ACP3: variants seen among roughly 807,000 people sequenced by gnomAD.
The protein encoded by ACP3 is acid phosphatase 3.
In ACP3, 38 loss-of-function variants were observed where a neutral mutation model predicts 45.6. That is an observed-to-expected ratio of 0.83 (90% CI 0.64 to 1.09). The LOEUF (loss-of-function observed/expected upper bound fraction) is 1.09. Among genes scored for constraint, ACP3 ranks in the 50% least tolerant of loss-of-function variants. The probability of loss-of-function intolerance (pLI) is 0.00; values close to 1 mark genes in which losing one functional copy is unlikely to be tolerated. For missense variants in ACP3, 466 were observed against 463.2 expected, an observed-to-expected ratio of 1.01 and a Z score of -0.05; for synonymous variants, 162 against 164.7, an observed-to-expected ratio of 0.98 and a Z score of 0.13.
chr3:132,318,353 C>T (rs563008191), intron 1 of ACP3, among the ~76,000 whole-genome samples: 6 of 149,490 alleles, frequency 4.0e-5, no homozygotes, highest in African/African-American at 1.2e-4. Context: ...TTTCCTCTCT[C>T]GTTTTCTTTC....
At chr3:132,342,275 A>G (rs948886922) in intron 5 of ACP3, among the ~76,000 whole-genome samples, 1 of 152,168 alleles carries the variant, frequency 6.6e-6, no homozygotes, top group Non-Finnish European at 1.5e-5. Context: ...CGTAACCAAT[A>G]TTACTGGTGC....
rs1937416157 is a variant in ACP3 at position 132,332,353 on chromosome 3, A to G, written c.456+9A>G. 6.2e-7 allele frequency: 1 copy of G among 1,614,010 alleles called. No individual in the cohort carries two copies. Among genetic ancestry groups the G allele is most frequent in the Non-Finnish European group, 8.5e-7 (1 of 1,179,948 alleles). ...CTCTTTCTGAAGATCAGGTCAGTAT[A>G]CTGGGAAAACCAGGAGATTTCAGAT... is the stretch of plus-strand genomic sequence containing the variant. On this transcript the variant is annotated intron_variant, in intron 4 of 9. Coordinates refer to ENST00000336375, the MANE Select transcript of ACP3 (RefSeq NM_001099.5).
chr3:132,324,015 C>T (rs573481565), intron 1 of ACP3, among the ~76,000 whole-genome samples: 1 of 152,168 alleles, frequency 6.6e-6, no homozygotes, highest in African/African-American at 2.4e-5. Flanking sequence ...GTCGGGAGTT[C>T]GAGACCAGCC....
intron 8 of ACP3, among the ~76,000 whole-genome samples, chr3:132,350,667 A>C (rs1169617243): frequency 1.3e-5 from 2 of 152,162 alleles, no homozygotes; most frequent in Non-Finnish European, 2.9e-5. Context: ...TTTTTTAGAT[A>C]GCCCTGATAT....
Position 132,344,929 on chromosome 3 carries a change from T to G in ACP3, c.651T>G (p.Ser217Arg). 2 of 1,613,470 alleles carry G rather than the reference T, an allele frequency of 1.2e-6. No individual in the cohort carries two copies. Among genetic ancestry groups the G allele is most frequent in the Non-Finnish European group, 1.7e-6 (2 of 1,179,828 alleles). The change falls in exon 7 of 10, where the codon AGT (serine) becomes AGG (arginine). Residue 217 changes from serine (S) to arginine (R), a missense_variant and splice_region_variant. Ser to Arg is a moderately radical substitution (Grantham distance 110). Transcript: ENST00000336375. The part of the protein sequence containing the change: ...SKVYDPLYCE[S>R]VHNFTLPSWA... ...TTCTTCCTTTTTCTTTGCTACAGAG[T>G]GTTCACAATTTCACTTTACCCTCCT... is the stretch of plus-strand genomic sequence containing the variant.
At chr3:132,333,188 G>A (rs1477519373) in intron 4 of ACP3, among the ~76,000 whole-genome samples, 1 of 152,208 alleles carries the variant, frequency 6.6e-6, no homozygotes, top group African/African-American at 2.4e-5. Context: ...TTGAGAACCA[G>A]TACTATAAAC....
intron 4 of ACP3, among the ~76,000 whole-genome samples, chr3:132,336,959 T>C (rs1937500985): frequency 6.6e-6 from 1 of 152,206 alleles, no homozygotes; most frequent in Non-Finnish European, 1.5e-5. Context: ...TAATACGTAC[T>C]CTTAACAGTC....
At chr3:132,356,495 C>A (rs1937899180) in intron 9 of ACP3, among the ~76,000 whole-genome samples, 191 bp from the exon 10 acceptor site, 1 of 152,150 alleles carries the variant, frequency 6.6e-6, no homozygotes, top group Admixed American at 6.5e-5. Flanking sequence ...CCAGCCCTCC[C>A]ATTTCCACCC....
chr3:132,354,911 CTT>C (rs924473230), intron 9 of ACP3, among the ~76,000 whole-genome samples: 9 of 152,144 alleles, frequency 5.9e-5, no homozygotes, highest in African/African-American at 2.2e-4. Context: ...AATTTTGAGT[CTT>C]TTAAAATTGT....
intron 3 of ACP3, 77 bp downstream of exon 3, chr3:132,331,810 G>T (rs1937404035): frequency 1.6e-6 from 2 of 1,253,968 alleles, no homozygotes; most frequent in African/African-American, 1.5e-5. Flanking sequence ...AAAGTGCTTT[G>T]CCTGTTTTCC....
At chr3:132,332,695 G>A (rs1387113379) in intron 4 of ACP3, 1 of 205,170 alleles carries the variant, frequency 4.9e-6, no homozygotes, top group African/African-American at 2.3e-5. Context: ...GCCCCAAACA[G>A]GTTTCTCCAC....
chr3:132,360,409 A>G (rs1408209915), downstream of ACP3, among the ~76,000 whole-genome samples: 3 of 151,974 alleles, frequency 2.0e-5, no homozygotes, highest in Non-Finnish European at 2.9e-5. Flanking sequence ...GATATGTCCT[A>G]TATATGCAAG....
chr3:132,357,025 C>T lies in ACP3; in HGVS notation c.*147C>T, dbSNP rs2107819215. 3.6e-6 allele frequency: 5 copies of T among 1,388,148 alleles called. No homozygotes were observed. The highest frequency in any genetic ancestry group is 3.5e-5 in the South Asian group (2 of 56,356). 86.0% of individuals were successfully genotyped at this position (1,388,148 alleles called of 1,614,324 possible). On this transcript the variant is annotated 3_prime_UTR_variant, in exon 10 of 10. Transcript: ENST00000336375. ...TGTTTTAGGGACCCCCAACCTCAGGCAATTCCTACCTCTTCACCTGACCCT... is the reference window on the plus strand; with the variant it reads ...TGTTTTAGGGACCCCCAACCTCAGGTAATTCCTACCTCTTCACCTGACCCT...
intron 4 of ACP3, 47 bp from the exon 5 acceptor site, chr3:132,337,409 A>T (rs201926364): frequency 7.9e-7 from 1 of 1,266,132 alleles, no homozygotes; most frequent in Non-Finnish European, 1.1e-6. Context: ...TATTTAGCAA[A>T]GTTTTTCTGA....
chr3:132,354,320 A>G (rs17182693), intron 9 of ACP3, among the ~76,000 whole-genome samples: 72,173 of 151,744 alleles, frequency 0.48, 17,938 homozygotes, highest in Middle Eastern at 0.65. Context: ...TTGCTTTCTC[A>G]GTGCACAGAA....
intron 1 of ACP3, among the ~76,000 whole-genome samples, chr3:132,319,013 G>C (rs905865747): frequency 2.6e-5 from 4 of 152,172 alleles, no homozygotes; most frequent in Admixed American, 2.6e-4. Flanking sequence ...TTCAGGGACT[G>C]CAAGTTAATT....
chr3:132,318,516 G>A (rs1247742280), intron 1 of ACP3, among the ~76,000 whole-genome samples: 5 of 148,004 alleles, frequency 3.4e-5, no homozygotes, highest in Admixed American at 3.4e-4. Flanking sequence ...TTTTTTTTCA[G>A]CATGGGATAT....
In ACP3 at chr3:132,356,932, T is replaced by C; in HGVS notation, c.*54T>C. ...AGCTGCCCTTTCTCAGGGCAGATGA[T>C]GCTTTGAGAACATACTTTGGCCATT... On this transcript the variant is annotated 3_prime_UTR_variant, in exon 10 of 10. Coordinates refer to ENST00000336375, the MANE Select transcript of ACP3 (RefSeq NM_001099.5). 6.4e-7 allele frequency: 1 copy of C among 1,554,972 alleles called. No individual in the cohort carries two copies. Among genetic ancestry groups the C allele is most frequent in the Non-Finnish European group, 8.7e-7 (1 of 1,148,816 alleles).
chr3:132,328,209 G>A, intron 1 of ACP3, 58 bp from the exon 2 acceptor site: 1 of 1,380,596 alleles, frequency 7.2e-7, no homozygotes, highest in East Asian at 2.3e-5. Flanking sequence ...ATTATAATGA[G>A]CAGAAGCAAA....
Sources: gnomAD v4.1 joint callset for allele counts (sites outside exome capture counted in the v4.1 genomes callset) on GRCh38, gnomAD v4.1.1 for gene constraint, MANE v1.5 for transcripts, NCBI Gene and HGNC (gene_info 2026-07-23, HGNC 2026-07-21) for gene names.